The following SPEF2 variants were observed in gnomAD, a reference collection of about 807,000 sequenced individuals.
SPEF2 encodes the protein sperm flagella and cilia-associated protein 2.
A neutral mutation model predicts 224.6 loss-of-function variants in SPEF2; 187 were observed. That is an observed-to-expected ratio of 0.83 (90% confidence interval 0.74 to 0.94). SPEF2 has a LOEUF of 0.94. Among genes scored for constraint, SPEF2 ranks in the 40% least tolerant of loss-of-function variants. SPEF2 has a pLI of 0.00. For missense variants in SPEF2, 2,170 were observed against 2,135.6 expected (o/e 1.02, Z -0.32); for synonymous variants, 715 against 707.3 (o/e 1.01, Z -0.17).
chr5:35,761,995 A>G (rs1245539996), intron 25 of SPEF2, among the ~76,000 whole-genome samples: 2 of 152,210 alleles, frequency 1.3e-5, no homozygotes, highest in Non-Finnish European at 2.9e-5. Flanking sequence ...AACAAGAACA[A>G]TGTTAAAAAT....
chr5:35,780,890 G>A (rs1039799766), intron 30 of SPEF2, among the ~76,000 whole-genome samples: 2 of 152,090 alleles, frequency 1.3e-5, no homozygotes, highest in African/African-American at 4.8e-5. Flanking sequence ...TCTTTCAGCA[G>A]GGACCCTAGT....
At chr5:35,701,920 A>G (rs1031057135) in intron 16 of SPEF2, among the ~76,000 whole-genome samples, 1 of 152,164 alleles carries the variant, frequency 6.6e-6, no homozygotes, top group Admixed American at 6.5e-5. Context: ...TCAAGGCTGC[A>G]GTGAGTCATG....
chr5:35,749,357 A>G (rs180755136), intron 23 of SPEF2, among the ~76,000 whole-genome samples: 3 of 152,264 alleles, frequency 2.0e-5, no homozygotes, highest in Admixed American at 2.0e-4. Flanking sequence ...AGCCAGAGCA[A>G]TCAGACTAGA....
At chr5:35,715,432 A>T (rs1041865238) in intron 20 of SPEF2, among the ~76,000 whole-genome samples, 1 of 151,710 alleles carries the variant, frequency 6.6e-6, no homozygotes, top group African/African-American at 2.4e-5. Context: ...TGAAACTTTT[A>T]TTATACCAAT....
chr5:35,798,464 C>T (rs1756983603), intron 33 of SPEF2, among the ~76,000 whole-genome samples: 1 of 152,016 alleles, frequency 6.6e-6, no homozygotes, highest in Admixed American at 6.5e-5. Flanking sequence ...CCAGCTAACT[C>T]CCTGCCCTCC....
In SPEF2 at chr5:35,700,705, T is replaced by C; in HGVS notation, c.2351T>C (p.Leu784Ser). 6.2e-7 allele frequency: 1 copy of C among 1,613,970 alleles called. No homozygotes were observed. The highest frequency in any genetic ancestry group is 1.1e-5 in the South Asian group (1 of 91,082). The change falls in exon 16 of 37, where the codon TTA becomes TCA. Residue 784 changes from leucine (L) to serine (S), a missense_variant. By Grantham distance (145) the Leu-to-Ser change is moderately radical (BLOSUM62 -2). Transcript: ENST00000356031. ...PSPAFDFVIL[L>S]DVSDTSSMSR... is the part of the protein sequence containing the mutation. ...CCTGCATTTGATTTTGTCATATTAT[T>C]AGATGTTTCAGATACTTCCTCAATG...
chr5:35,654,259 CAA>C (rs1301055104), intron 6 of SPEF2, among the ~76,000 whole-genome samples: 21 of 120,526 alleles, frequency 1.7e-4, no homozygotes, highest in Admixed American at 1.7e-4. Context: ...AACTTTATCT[CAA>C]AAAAAAAAAA....
intron 19 of SPEF2, 42 bp downstream of exon 19, chr5:35,709,163 A>G: frequency 6.3e-7 from 1 of 1,594,484 alleles, no homozygotes. Flanking sequence ...TCAGTTTCTT[A>G]TTTTTACTCA....
At chr5:35,659,482 C>T (rs1373838103) in intron 8 of SPEF2, among the ~76,000 whole-genome samples, 1 of 152,172 alleles carries the variant, frequency 6.6e-6, no homozygotes, top group Non-Finnish European at 1.5e-5. Flanking sequence ...TCTCTCTAGT[C>T]ATTTTGATTG....
chr5:35,745,099 C>T (rs1748276080), intron 23 of SPEF2, among the ~76,000 whole-genome samples: 8 of 152,206 alleles, frequency 5.3e-5, no homozygotes, highest in Admixed American at 5.2e-4. Flanking sequence ...TCTAACCTTA[C>T]CTGGAGCTGA....
chr5:35,695,362 A>G (rs1437374901), intron 13 of SPEF2, among the ~76,000 whole-genome samples: 1 of 152,124 alleles, frequency 6.6e-6, no homozygotes, highest in Non-Finnish European at 1.5e-5. Flanking sequence ...AATCCAGGAA[A>G]ATAAAAGTGT....
At chr5:35,667,674 C>T (rs535604448) in intron 9 of SPEF2, among the ~76,000 whole-genome samples, 3 of 152,078 alleles carry the variant, frequency 2.0e-5, no homozygotes, top group Non-Finnish European at 4.4e-5. Context: ...AAAGACAAAA[C>T]TTTATAAGTT....
intron 16 of SPEF2, among the ~76,000 whole-genome samples, chr5:35,701,234 T>A (rs1424130256): frequency 6.6e-6 from 1 of 152,212 alleles, no homozygotes; most frequent in African/African-American, 2.4e-5. Context: ...AATTCATAGT[T>A]TAACTGTTTT....
At chr5:35,660,848 T>G (rs572073346) in intron 8 of SPEF2, among the ~76,000 whole-genome samples, 1 of 152,300 alleles carries the variant, frequency 6.6e-6, no homozygotes, top group Admixed American at 6.5e-5. Context: ...GAACTGGGGT[T>G]GAACTAACTT....
intron 23 of SPEF2, among the ~76,000 whole-genome samples, chr5:35,750,635 C>T (rs556137479): frequency 5.3e-4 from 80 of 151,826 alleles, no homozygotes; most frequent in African/African-American, 1.9e-3. Context: ...AAATCAAAAC[C>T]ACAATGTGAT....
intron 36 of SPEF2, 32 bp from the exon 37 acceptor site, chr5:35,814,432 T>G: frequency 7.5e-7 from 1 of 1,340,200 alleles, no homozygotes; most frequent in African/African-American, 1.4e-5. Context: ...TTTATTAGTA[T>G]TTGTAACTTC....
intron 24 of SPEF2, among the ~76,000 whole-genome samples, chr5:35,754,843 A>T (rs1750206862): frequency 6.6e-6 from 1 of 152,238 alleles, no homozygotes; most frequent in African/African-American, 2.4e-5. Context: ...TAATTGATTA[A>T]CTTAGATAAA....
At chr5:35,677,645 C>A (rs1254910734) in intron 10 of SPEF2, among the ~76,000 whole-genome samples, 1 of 152,158 alleles carries the variant, frequency 6.6e-6, no homozygotes, top group Non-Finnish European at 1.5e-5. Context: ...GAGTAGGAAC[C>A]TATCATTTTG....
At chr5:35,779,813 A>G (rs1754078537) in intron 30 of SPEF2, among the ~76,000 whole-genome samples, 1 of 152,186 alleles carries the variant, frequency 6.6e-6, no homozygotes, top group East Asian at 1.9e-4. Context: ...CTGTTAGAAA[A>G]TGTTTGCTTA....
Sources: allele counts gnomAD v4.1 joint callset (sites outside exome capture counted in the v4.1 genomes callset), GRCh38; gene constraint gnomAD v4.1.1; transcripts MANE v1.5; gene names NCBI Gene and HGNC (gene_info 2026-07-23, HGNC 2026-07-21).